TRIM67: variants seen among roughly 807,000 people sequenced by gnomAD.
The protein encoded by TRIM67 is tripartite motif containing 67, also known as tripartite motif-containing protein 67.
Under a neutral mutation model 71.0 loss-of-function variants are expected in TRIM67, and 39 were observed. That is an observed-to-expected ratio of 0.55 (90% CI 0.43 to 0.72). The LOEUF is 0.72. Ranked by LOEUF, TRIM67 falls within the 30% of genes least tolerant of loss-of-function variation. The pLI is 0.00. For missense variants in TRIM67, 973 were observed against 1,079.2 expected (o/e 0.90, Z 1.38); for synonymous variants, 481 against 473.9 (o/e 1.01, Z -0.19).
chr1:231,201,995 G>A (rs2102751100), intron 5 of TRIM67, among the ~76,000 whole-genome samples: 1 of 152,396 alleles, frequency 6.6e-6, no homozygotes, highest in East Asian at 1.9e-4. Flanking sequence ...CATGCGGTGA[G>A]ATTTGAGGTG....
chr1:231,218,584 G>A lies in TRIM67; in HGVS notation c.*3144G>A, dbSNP rs1291499340. ...AGGGGAAGGTATTTCCCCAAAGCCT[G>A]CTTTTCCTCTCTCTGTTCTCCTTGG... On this transcript the variant is annotated 3_prime_UTR_variant, in exon 10 of 10. Transcript: ENST00000366653. The A allele has an allele frequency of 2.3e-5, 23 of 985,310 alleles. No homozygotes were observed. Among genetic ancestry groups the A allele is most frequent in the South Asian group, 1.4e-4 (3 of 21,280 alleles). The allele number at this position is 985,310 out of a possible 1,614,324, so 61.0% of individuals were successfully genotyped here.
chr1:231,169,770 A>G (rs1296927970), intron 1 of TRIM67, among the ~76,000 whole-genome samples: 1 of 152,120 alleles, frequency 6.6e-6, no homozygotes, highest in Non-Finnish European at 1.5e-5. Context: ...TATCTGCCCC[A>G]GACTGGCTAA....
rs891200251 is a variant in TRIM67, at chr1:231,163,954, G to C, written c.985G>C (p.Glu329Gln). 1 of 1,585,242 alleles carries C rather than the reference G, an allele frequency of 6.3e-7. No individual in the cohort carries two copies. The change falls in exon 1 of 10, where the codon GAG becomes CAG. Residue 329 changes from glutamate (E) to glutamine (Q), a missense_variant. Glu to Gln is a conservative substitution (Grantham distance 29). Coordinates refer to ENST00000366653, the MANE Select transcript of TRIM67 (RefSeq NM_001004342.5). Reference protein sequence around the residue: ...RTPVCYLCLEEGRHAKHEVKP... With the variant: ...RTPVCYLCLEQGRHAKHEVKP... ...CCCGGTGTGTTATCTGTGCCTGGAG[G>C]AGGGCCGGCACGCCAAGCACGAGGT... is the stretch of plus-strand genomic sequence containing the variant.
chr1:231,176,923 A>AAAAAAAC (rs1553322802), intron 1 of TRIM67, among the ~76,000 whole-genome samples: 4 of 151,036 alleles, frequency 2.6e-5, no homozygotes, highest in Non-Finnish European at 5.9e-5. Context: ...AAAAAAAAAA[A>AAAAAAAC]CACCTTTCAA....
Position 231,208,940 on chromosome 1 carries a change from T to C in TRIM67, c.1820-7T>C, listed in dbSNP as rs771930369. 4.0e-5 allele frequency: 62 copies of C among 1,564,550 alleles called. No homozygotes were observed. The African/African-American group carries it at 7.7e-4, about 19-fold the overall frequency. On this transcript the variant is annotated splice_region_variant and splice_polypyrimidine_tract_variant and intron_variant, in intron 7 of 9. Transcript: ENST00000366653. ...GACCCTGCTCCTCTCACCTCCTCCC[T>C]TTTTAGTGGCCTGGTTCACATTTGA...
intron 3 of TRIM67, among the ~76,000 whole-genome samples, 151 bp downstream of exon 3, chr1:231,199,320 G>C (rs1683457613): frequency 6.6e-6 from 1 of 152,216 alleles, no homozygotes; most frequent in Non-Finnish European, 1.5e-5. Flanking sequence ...GGATGCACCA[G>C]CTGGTTCGGT....
Position 231,217,239 on chromosome 1 carries a change from G to A in TRIM67, c.*1799G>A, listed in dbSNP as rs971898870. 5.1e-6 allele frequency: 5 copies of A among 985,928 alleles called. No individual in the cohort carries two copies. The highest frequency in any genetic ancestry group is 4.7e-5 in the South Asian group (1 of 21,290). The allele number at this position is 985,928 out of a possible 1,614,324, so 61.1% of individuals were successfully genotyped here. On this transcript the variant is annotated 3_prime_UTR_variant, in exon 10 of 10. Coordinates refer to ENST00000366653, the MANE Select transcript of TRIM67 (RefSeq NM_001004342.5). The stretch of plus-strand genomic sequence containing the variant: ...GCTGCCCCGTCTCCAGGAGCTGCTC[G>A]GTGCTGTGTTGCAGTCTCTGCTGCG...
intron 1 of TRIM67, among the ~76,000 whole-genome samples, chr1:231,175,369 G>C (rs1682718220): frequency 6.6e-6 from 1 of 152,226 alleles, no homozygotes; most frequent in South Asian, 2.1e-4. Context: ...GGAAGTGTGA[G>C]AGGTCTGAGT....
chr1:231,205,718 T>C (rs1302412874), intron 6 of TRIM67, among the ~76,000 whole-genome samples: 1 of 139,978 alleles, frequency 7.1e-6, no homozygotes, highest in East Asian at 2.1e-4. Flanking sequence ...AGAGTAAGAC[T>C]CTGTCTCAAA....
intron 1 of TRIM67, among the ~76,000 whole-genome samples, chr1:231,193,521 T>TCTCTCTCTCTCC (rs1329997604): frequency 6.7e-6 from 1 of 150,340 alleles, no homozygotes; most frequent in East Asian, 2.0e-4. Context: ...TCTCTCTCTC[T>TCTCTCTCTCTCC]CTCTCTCTCT....
Position 231,217,043 on chromosome 1 carries a change from T to G in TRIM67, c.*1603T>G. ...ACCAGCACCAACTGTGCGTCCTTGG[T>G]TCTGCCTTCCTGTTCAGACACCGCG... On this transcript the variant is annotated 3_prime_UTR_variant, in exon 10 of 10. Coordinates refer to ENST00000366653, the MANE Select transcript of TRIM67 (RefSeq NM_001004342.5). 1 of 985,936 alleles carries G rather than the reference T, an allele frequency of 1.0e-6. No individual in the cohort carries two copies. The highest frequency in any genetic ancestry group is 5.2e-4 in the Middle Eastern group (1 of 1,914). 61.1% of individuals were successfully genotyped at this position (985,936 alleles called of 1,614,324 possible).
intron 1 of TRIM67, among the ~76,000 whole-genome samples, chr1:231,164,933 T>C (rs1682410950): frequency 6.6e-6 from 1 of 152,096 alleles, no homozygotes; most frequent in South Asian, 2.1e-4. Flanking sequence ...CATTTTAGAA[T>C]AACAAATTAG....
chr1:231,198,632 C>T (rs987092455), intron 2 of TRIM67, among the ~76,000 whole-genome samples: 5 of 152,174 alleles, frequency 3.3e-5, no homozygotes, highest in Non-Finnish European at 5.9e-5. Flanking sequence ...GTGATCCACC[C>T]GCCTTGGCCT....
At chr1:231,168,573 G>A (rs951904565) in intron 1 of TRIM67, among the ~76,000 whole-genome samples, 2 of 152,126 alleles carry the variant, frequency 1.3e-5, no homozygotes, top group Admixed American at 1.3e-4. Context: ...AAAAATTCAC[G>A]TGGATAAAGA....
chr1:231,179,834 T>C (rs944895337), intron 1 of TRIM67, among the ~76,000 whole-genome samples: 3 of 151,928 alleles, frequency 2.0e-5, no homozygotes, highest in East Asian at 1.9e-4. Flanking sequence ...CAGGTGTGAG[T>C]TGGGGAGAAG....
intron 8 of TRIM67, among the ~76,000 whole-genome samples, chr1:231,212,797 C>A (rs549974729): frequency 1.7e-4 from 26 of 152,272 alleles, no homozygotes; most frequent in Non-Finnish European, 2.6e-4. Context: ...GCCAAGCCCC[C>A]CCTTGGGAGC....
In TRIM67 at chr1:231,214,711, G is replaced by A. The variant is rs543355931; in HGVS notation, c.2287-664G>A. On this transcript the variant is annotated intron_variant, in intron 9 of 9. Coordinates refer to ENST00000366653, the MANE Select transcript of TRIM67 (RefSeq NM_001004342.5). ...GGAGAATGGCATGAACCCGGGAGGCGGAGCTTCCAGTGAGCCGAGATCGCA... is the reference window on the plus strand; with the variant it reads ...GGAGAATGGCATGAACCCGGGAGGCAGAGCTTCCAGTGAGCCGAGATCGCA... 3.3e-5 allele frequency among the ~76,000 whole-genome samples: 5 copies of A among 150,812 alleles called. No homozygotes were observed. The East Asian group carries it at 7.9e-4, about 24-fold the overall frequency.
Position 231,196,656 on chromosome 1 carries a change from G to T in TRIM67, c.1045-715G>T, listed in dbSNP as rs559466891. On this transcript the variant is annotated intron_variant, in intron 1 of 9. Transcript: ENST00000366653. ...ATTCAATTGTGTGTGTATGTGGTTC[G>T]TTACAAAAAAGCCTGGTGCCAAAAG... 6.6e-5 allele frequency among the ~76,000 whole-genome samples: 10 copies of T among 152,122 alleles called. No individual in the cohort carries two copies. The South Asian group carries it at 2.1e-3, about 32-fold the overall frequency.
intron 1 of TRIM67, among the ~76,000 whole-genome samples, chr1:231,172,959 A>G (rs1428300910): frequency 6.6e-6 from 1 of 152,220 alleles, no homozygotes. Context: ...CACTTACTAT[A>G]ACGTAAATAC....
Sources: gnomAD v4.1 joint callset for allele counts (sites outside exome capture counted in the v4.1 genomes callset) on GRCh38, gnomAD v4.1.1 for gene constraint, MANE v1.5 for transcripts, NCBI Gene and HGNC (gene_info 2026-07-23, HGNC 2026-07-21) for gene names.